Variants in CLDN2 observed in about 807,000 individuals in gnomAD.
CLDN2 encodes claudin-2.
A neutral mutation model predicts 8.2 loss-of-function variants in CLDN2; 1 was observed. The ratio of observed to expected loss-of-function variants is 0.12; its 90% confidence interval spans 0.04 to 0.58. The LOEUF is 0.58. CLDN2 is among the 20% of genes least tolerant of loss of function. CLDN2 has a pLI of 0.90. For missense variants in CLDN2, 108 were observed against 172.9 expected, an observed-to-expected ratio of 0.62 and a Z score of 2.11; for synonymous variants, 70 against 70.2, an observed-to-expected ratio of 1.00 and a Z score of 0.01.
intron 1 of CLDN2, among the ~76,000 whole-genome samples, chrX:106,909,870 G>C (rs922321187): frequency 9.0e-6 from 1 of 111,666 alleles, no homozygotes; most frequent in Non-Finnish European, 1.9e-5. Flanking sequence ...CCCATGTGGT[G>C]CGGGCTCTCT....
At chrX:106,904,270 C>A (rs904334637) in intron 1 of CLDN2, among the ~76,000 whole-genome samples, 2 of 113,107 alleles carry the variant, frequency 1.8e-5, no homozygotes, top group African/African-American at 6.4e-5. Context: ...TGAGCACAGT[C>A]CTCGGCCTTA....
At position 106,928,484 on chromosome X, in the gene CLDN2, A is replaced by T; in HGVS notation, c.256A>T (p.Thr86Ser). 8.3e-7 allele frequency: 1 copy of T among 1,211,646 alleles called. No homozygotes were observed. Residue 86 changes from threonine (T) to serine (S), a missense_variant, in exon 2 of 2, where the codon ACA (threonine) becomes TCA (serine). Around this residue, in one of 2 missense-constraint regions of CLDN2, gnomAD observed 27 missense variants for 72.2 expected, o/e 0.37. Transcript: ENST00000336803. ...DIQAAQAMMV[T>S]SSAISSLACI... ...CCAGGCTGCCCAGGCCATGATGGTG[A>T]CATCCAGTGCAATCTCCTCCCTGGC...
chrX:106,907,736 AATAATAATAAT>A (rs1202805800), intron 1 of CLDN2, among the ~76,000 whole-genome samples: 1 of 107,356 alleles, frequency 9.3e-6, no homozygotes, highest in Non-Finnish European at 1.9e-5. Flanking sequence ...TAATAATAAT[AATAATAATAAT>A]AAAGGACTCT....
intron 1 of CLDN2, among the ~76,000 whole-genome samples, chrX:106,905,731 C>T (rs531855837): frequency 2.7e-5 from 3 of 110,825 alleles, no homozygotes; most frequent in East Asian, 2.9e-4. Context: ...CTCCTGAGCT[C>T]GGGGCTCATG....
upstream of CLDN2, among the ~76,000 whole-genome samples, chrX:106,917,843 CT>C (rs1933333601): frequency 9.0e-6 from 1 of 111,354 alleles, no homozygotes; most frequent in African/African-American, 3.3e-5. Context: ...TTTCAGCCCC[CT>C]CTCCATTCCC....
chrX:106,900,534 G>A (rs1933074428), intron 1 of CLDN2: 5 of 571,575 alleles, frequency 8.7e-6, no homozygotes, highest in Non-Finnish European at 1.3e-5. Flanking sequence ...GCAGCTAGAT[G>A]ACCCAATTTT....
intron 1 of CLDN2, chrX:106,903,433 A>T: frequency 1.7e-6 from 1 of 592,103 alleles, no homozygotes; most frequent in Non-Finnish European, 2.5e-6. Context: ...TGGGAGGGGG[A>T]TAAAGATTTA....
Position 106,903,385 on chromosome X carries a change from C to T in CLDN2, c.-179+2881C>T, listed in dbSNP as rs188365077. The T allele has an allele frequency of 1.7e-4, 149 of 884,730 alleles. 2 individuals are homozygous for T. The African/African-American group carries it at 2.8e-3, about 17-fold the overall frequency. 72.9% of individuals were successfully genotyped at this position (884,730 alleles called of 1,213,427 possible). A position where few individuals can be genotyped will look rare whatever the true frequency, so the allele number is the denominator to read the frequency against. On this transcript the variant is annotated intron_variant, in intron 1 of 1. Transcript: ENST00000541806. ...GACCCTTTTATAAGCCCTGCCTGGT[C>T]TTATAAATTATTCAGGGAGGACAGG...
At chrX:106,901,152 C>T (rs970103641) in intron 1 of CLDN2, among the ~76,000 whole-genome samples, 1 of 112,332 alleles carries the variant, frequency 8.9e-6, no homozygotes, top group Admixed American at 9.3e-5. Context: ...GCATCTGTCA[C>T]TTATGGCTCT....
intron 1 of CLDN2, chrX:106,902,261 G>T: frequency 9.5e-7 from 1 of 1,056,705 alleles, no homozygotes; most frequent in Non-Finnish European, 1.3e-6. Context: ...GAGACTGAAA[G>T]GTGGGCTCCC....
chrX:106,900,845 C>A (rs1225931793), intron 1 of CLDN2: 1 of 1,209,870 alleles, frequency 8.3e-7, no homozygotes, highest in East Asian at 3.0e-5. Flanking sequence ...CAGGAAAGTT[C>A]TGCAGTAAAA....
chrX:106,906,003 C>T (rs898477730), intron 1 of CLDN2, among the ~76,000 whole-genome samples: 1 of 112,165 alleles, frequency 8.9e-6, no homozygotes, highest in Non-Finnish European at 1.9e-5. Flanking sequence ...CCTCATTTAG[C>T]TTGTGGGACA....
intron 1 of CLDN2, chrX:106,903,428 G>A: frequency 1.6e-6 from 1 of 618,729 alleles, no homozygotes; most frequent in Non-Finnish European, 2.3e-6. Context: ...TGACTTGGGA[G>A]GGGGATAAAG....
At chrX:106,920,871 C>T (rs1467794039) in intron 1 of CLDN2, among the ~76,000 whole-genome samples, 6 of 111,982 alleles carry the variant, frequency 5.4e-5, no homozygotes, top group Non-Finnish European at 9.4e-5. Flanking sequence ...TACCCCTCTG[C>T]CTAAGTGTAG....
At chrX:106,916,180 G>T (rs1933308142), upstream of CLDN2, among the ~76,000 whole-genome samples, 1 of 110,959 alleles carries the variant, frequency 9.0e-6, no homozygotes, top group African/African-American at 3.3e-5. Flanking sequence ...GATGCTTTGG[G>T]AGCATAGAGG....
intron 1 of CLDN2, among the ~76,000 whole-genome samples, chrX:106,905,541 G>A (rs1008383329): frequency 2.7e-5 from 3 of 111,827 alleles, no homozygotes; most frequent in Non-Finnish European, 5.6e-5. Flanking sequence ...ATCACTGGCT[G>A]AAAGGAGGAG....
At chrX:106,908,567 C>CTTT (rs138799168) in intron 1 of CLDN2, among the ~76,000 whole-genome samples, 1 of 91,563 alleles carries the variant, frequency 1.1e-5, no homozygotes. Context: ...CTTTTCTTTT[C>CTTT]TTTTTTTTTT....
intron 1 of CLDN2, among the ~76,000 whole-genome samples, chrX:106,922,429 A>T (rs1339463395): frequency 8.9e-6 from 1 of 112,468 alleles, no homozygotes; most frequent in Non-Finnish European, 1.9e-5. Flanking sequence ...TACTTAGGAC[A>T]GGCTCTGGGG....
chrX:106,927,793 C>T (rs1018398566), intron 1 of CLDN2, among the ~76,000 whole-genome samples: 2 of 112,331 alleles, frequency 1.8e-5, no homozygotes, highest in Middle Eastern at 4.2e-3. Context: ...GTTAACACAG[C>T]CACCACAACC....
Sources: allele counts gnomAD v4.1 joint callset (sites outside exome capture counted in the v4.1 genomes callset), GRCh38; gene constraint gnomAD v4.1.1; regional missense constraint gnomAD v4.1.1; transcripts MANE v1.5; gene names NCBI Gene and HGNC (gene_info 2026-07-23, HGNC 2026-07-21).